Variants in ANO2 observed in about 807,000 individuals in gnomAD.
ANO2 encodes anoctamin-2.
Under a neutral mutation model 124.2 loss-of-function variants are expected in ANO2, and 101 were observed. The observed-to-expected ratio is 0.81, with a 90% CI of 0.69 to 0.96. The LOEUF (loss-of-function observed/expected upper bound fraction) is 0.96, where lower values mean the gene tolerates loss of function less well. Among genes scored for constraint, ANO2 ranks in the 40% least tolerant of loss-of-function variants. The probability of loss-of-function intolerance (pLI) is 0.00; values close to 1 mark genes in which losing one functional copy is unlikely to be tolerated. For synonymous variants in ANO2, 486 were observed against 482.5 expected (o/e 1.01, Z -0.09); for missense variants, 1,293 against 1,274.5 (o/e 1.01, Z -0.22).
intron 20 of ANO2, among the ~76,000 whole-genome samples, chr12:5,591,783 C>G (rs1472719532): frequency 6.6e-6 from 1 of 152,144 alleles, no homozygotes; most frequent in Non-Finnish European, 1.5e-5. Flanking sequence ...CACACCAGAC[C>G]CTGAAACTCT....
At chr12:5,805,592 C>T (rs535464933) in intron 9 of ANO2, among the ~76,000 whole-genome samples, 58 of 152,306 alleles carry the variant, frequency 3.8e-4, no homozygotes, top group African/African-American at 1.3e-3. Context: ...CCTCCAAAAG[C>T]TATAATGGCA....
chr12:5,867,156 G>A (rs777620534), intron 3 of ANO2, among the ~76,000 whole-genome samples: 1 of 152,252 alleles, frequency 6.6e-6, no homozygotes, highest in Non-Finnish European at 1.5e-5. Flanking sequence ...CAAAGAGGCA[G>A]TGTAGACTTT....
chr12:5,620,514 GAATTGGAATTCTATAGGGGCTA>G (rs1252071876), intron 16 of ANO2, among the ~76,000 whole-genome samples: 3 of 152,268 alleles, frequency 2.0e-5, no homozygotes, highest in South Asian at 2.1e-4. Flanking sequence ...TACAGGAGTT[GAATTGGAATTCTATAGGGGCTA>G]AATTGGAATT....
At chr12:5,633,745 G>A (rs917981289) in intron 16 of ANO2, among the ~76,000 whole-genome samples, 6 of 152,110 alleles carry the variant, frequency 3.9e-5, no homozygotes, top group African/African-American at 7.2e-5. Context: ...CTCAGCTCCT[G>A]TTCCACTGGT....
intron 23 of ANO2, among the ~76,000 whole-genome samples, chr12:5,570,852 C>T (rs1288071848): frequency 1.3e-5 from 2 of 152,200 alleles, no homozygotes; most frequent in Non-Finnish European, 2.9e-5. Context: ...TTAAAACTGC[C>T]TCCTGGAATT....
intron 14 of ANO2, among the ~76,000 whole-genome samples, chr12:5,692,839 G>C (rs1267563889): frequency 6.6e-6 from 1 of 152,240 alleles, no homozygotes; most frequent in Non-Finnish European, 1.5e-5. Context: ...AAGGAAAAGA[G>C]AGACTGAGAA....
chr12:5,914,206 G>GAA (rs62809360), intron 3 of ANO2, among the ~76,000 whole-genome samples: 103,154 of 150,570 alleles, frequency 0.69, 36,147 homozygotes, highest in East Asian at 0.98. Flanking sequence ...TCTCAAAAAA[G>GAA]AAAAAAAGAA....
rs565033032 is a variant in ANO2 at position 5,900,033 on chromosome 12, C to A, written c.534+21007G>T. Among the ~76,000 whole-genome samples, 34 of 152,278 alleles carry A rather than the reference C, an allele frequency of 2.2e-4. No homozygotes were observed. In the South Asian group the frequency reaches 5.2e-3, roughly 23 times the overall value. ...CCTAACTAGCAACATGTTCAATACT[C>A]CAAAGCTGCAGTGGATAGGAAGCAA... On this transcript the variant is annotated intron_variant, in intron 3 of 24. Coordinates refer to ENST00000682330, the MANE Select transcript of ANO2 (RefSeq NM_001364791.2). This position sits in a 1 kb window ranked among gnomAD's most constrained non-coding sequence, Gnocchi z 4.2.
intron 10 of ANO2, among the ~76,000 whole-genome samples, chr12:5,766,035 G>A (rs965172270): frequency 3.9e-5 from 6 of 152,106 alleles, no homozygotes; most frequent in Non-Finnish European, 7.4e-5. Flanking sequence ...TGGCAAAAAT[G>A]AAAAAAGATG....
rs1478207238 is a variant in ANO2, at chr12:5,813,309, TGTAAGTA to T, written c.893-5948_893-5942del. Among the ~76,000 whole-genome samples, 3 of 152,332 alleles carry T rather than the reference TGTAAGTA, an allele frequency of 2.0e-5. No individual in the cohort carries two copies. In the South Asian group the frequency reaches 6.2e-4, roughly 32 times the overall value. On this transcript the variant is annotated intron_variant, in intron 7 of 24. Coordinates refer to ENST00000682330, the MANE Select transcript of ANO2 (RefSeq NM_001364791.2). ...TTGCAATACACTTCATATTCCCAAGTGTAAGTAGGTCATGAAGACTACAACAGTGCAC... is the reference window on the plus strand; with the variant it reads ...TTGCAATACACTTCATATTCCCAAGTGGTCATGAAGACTACAACAGTGCAC...
chr12:5,945,205 C>T lies in ANO2; in HGVS notation c.13G>A (p.Gly5Arg), dbSNP rs752541675. The change falls in exon 1 of 25, where the codon GGG becomes AGG. Residue 5 changes from glycine (G) to arginine (R), a missense_variant. Transcript: ENST00000682330. MATP[G>R]PRDIPLLPGS... ...CAGCCGGAAAACTCACCGCGCGGCC[C>T]GGGAGTCGCCATGATGTGGACGCAG... The T allele has an allele frequency of 3.1e-6, 4 of 1,288,454 alleles. No individual in the cohort carries two copies. Among genetic ancestry groups the T allele is most frequent in the Non-Finnish European group, 4.0e-6 (4 of 988,182 alleles). 79.8% of individuals were successfully genotyped at this position (1,288,454 alleles called of 1,614,324 possible). A position where few individuals can be genotyped will look rare whatever the true frequency, so the allele number is the denominator to read the frequency against.
intron 14 of ANO2, among the ~76,000 whole-genome samples, chr12:5,712,192 T>C (rs1438964294): frequency 6.6e-6 from 1 of 152,124 alleles, no homozygotes; most frequent in Non-Finnish European, 1.5e-5. Flanking sequence ...ATATACAGGT[T>C]GCTACAGGGT....
chr12:5,836,151 T>C (rs1241427221), intron 4 of ANO2, among the ~76,000 whole-genome samples: 1 of 152,214 alleles, frequency 6.6e-6, no homozygotes, highest in Non-Finnish European at 1.5e-5. Flanking sequence ...TTTAGTAGTT[T>C]ACAACAATAA....
chr12:5,901,647 G>A (rs1278674370), intron 3 of ANO2, among the ~76,000 whole-genome samples: 4 of 152,176 alleles, frequency 2.6e-5, no homozygotes, highest in Non-Finnish European at 4.4e-5. Flanking sequence ...CTGCTCGGTA[G>A]GTGTTGCAGG....
At chr12:5,857,771 G>GTGAT (rs1955144352) in intron 3 of ANO2, among the ~76,000 whole-genome samples, 2 of 117,684 alleles carry the variant, frequency 1.7e-5, no homozygotes, top group South Asian at 3.0e-4. Context: ...TAAAAGAAAT[G>GTGAT]TGATAGATAG....
rs753892068 is a variant in ANO2, at chr12:5,787,888, C to G, written c.1055+11619G>C. 9.2e-5 allele frequency among the ~76,000 whole-genome samples: 14 copies of G among 152,204 alleles called. No homozygotes were observed. The highest frequency in any genetic ancestry group is 1.8e-4 in the Non-Finnish European group (12 of 68,040). On this transcript the variant is annotated intron_variant, in intron 10 of 24. Transcript: ENST00000682330. The surrounding 1 kb of genome is among the most constrained non-coding windows in gnomAD (Gnocchi z 4.2). ...ATAAGCTCTGTGAGGCCAGACCCAGCTGGACCATAGGTCCAGACGTGCCCG... is the reference window on the plus strand; with the variant it reads ...ATAAGCTCTGTGAGGCCAGACCCAGGTGGACCATAGGTCCAGACGTGCCCG...
At chr12:5,726,119 G>C in intron 14 of ANO2, among the ~76,000 whole-genome samples, 1 of 148,938 alleles carries the variant, frequency 6.7e-6, no homozygotes, top group East Asian at 2.0e-4. Context: ...GTCTAGAAAA[G>C]ATTCAAACTG....
At chr12:5,790,673 C>T (rs896156251) in intron 10 of ANO2, among the ~76,000 whole-genome samples, 6 of 152,170 alleles carry the variant, frequency 3.9e-5, no homozygotes, top group African/African-American at 1.4e-4. Context: ...AAGCTTTGTG[C>T]ATTAGTTACC....
intron 3 of ANO2, among the ~76,000 whole-genome samples, chr12:5,910,007 ATAGT>A (rs1235653825): frequency 1.3e-5 from 2 of 152,254 alleles, no homozygotes; most frequent in African/African-American, 4.8e-5. Flanking sequence ...AGTTATCCAA[ATAGT>A]TAAACATAAA....
Sources: gnomAD v4.1 joint callset for allele counts (sites outside exome capture counted in the v4.1 genomes callset) on GRCh38, gnomAD v4.1.1 for gene constraint, Gnocchi (gnomAD v3.1) non-coding constraint, MANE v1.5 for transcripts, NCBI Gene and HGNC (gene_info 2026-07-23, HGNC 2026-07-21) for gene names.